OR51B5: variants seen among roughly 807,000 people sequenced by gnomAD.
OR51B5 encodes the protein olfactory receptor family 51 subfamily B member 5.
For synonymous variants in OR51B5, 186 were observed against 144.8 expected (o/e 1.28, Z -2.04); for missense variants, 456 against 374.6 (o/e 1.22, Z -1.79).
chr11:5,454,251 A>G (rs748834155), intron 1 of OR51B5: 11 of 1,614,082 alleles, frequency 6.8e-6, no homozygotes, highest in Admixed American at 5.0e-5. Flanking sequence ...TTATGTGCCA[A>G]TGATTGGGGT....
chr11:5,419,780 C>A (rs373670465), intron 1 of OR51B5, among the ~76,000 whole-genome samples: 1 of 152,026 alleles, frequency 6.6e-6, no homozygotes, highest in South Asian at 2.1e-4. Flanking sequence ...CTTTAAATCC[C>A]AGTTTATATA....
intron 1 of OR51B5, chr11:5,354,604 C>T (rs1280287073): frequency 6.4e-6 from 1 of 157,272 alleles, no homozygotes; most frequent in African/African-American, 2.4e-5. Flanking sequence ...CCTCACCCCT[C>T]CTCATGATCC....
intron 1 of OR51B5, among the ~76,000 whole-genome samples, chr11:5,495,636 A>C (rs1851639147): frequency 1.3e-5 from 2 of 152,176 alleles, no homozygotes; most frequent in South Asian, 4.1e-4. Context: ...TACAAAAGAA[A>C]TCATCAAATC....
chr11:5,491,095 T>G (rs148779296), intron 1 of OR51B5, among the ~76,000 whole-genome samples: 134 of 152,380 alleles, frequency 8.8e-4, no homozygotes, highest in Middle Eastern at 6.8e-3. Flanking sequence ...TATACTGGTA[T>G]GTATCATAGT....
chr11:5,358,367 C>G (rs1849226807), intron 1 of OR51B5, among the ~76,000 whole-genome samples: 1 of 152,172 alleles, frequency 6.6e-6, no homozygotes, highest in South Asian at 2.1e-4. Context: ...ATAAACACCT[C>G]TACACAAATA....
intron 1 of OR51B5, among the ~76,000 whole-genome samples, chr11:5,366,326 G>C (rs984154581): frequency 7.9e-5 from 12 of 152,126 alleles, no homozygotes; most frequent in Admixed American, 6.6e-4. Context: ...TTAAAGAAAA[G>C]GCTACATTAC....
At chr11:5,363,037 A>G (rs1849309209) in intron 1 of OR51B5, among the ~76,000 whole-genome samples, 1 of 151,978 alleles carries the variant, frequency 6.6e-6, no homozygotes, top group Admixed American at 6.6e-5. Context: ...AAGGAAAAGG[A>G]GCCCAAGGAA....
At chr11:5,389,249 G>C in intron 1 of OR51B5, 5 of 775,654 alleles carry the variant, frequency 6.4e-6, no homozygotes, top group Admixed American at 4.9e-5. Context: ...GTTCAATAAA[G>C]TAGTGAGATT....
At chr11:5,413,658 C>A (rs1367838640) in intron 1 of OR51B5, among the ~76,000 whole-genome samples, 10 of 152,188 alleles carry the variant, frequency 6.6e-5, no homozygotes, top group Non-Finnish European at 8.8e-5. Flanking sequence ...GGAGCCAATG[C>A]AATCAACTGG....
intron 1 of OR51B5, among the ~76,000 whole-genome samples, chr11:5,433,104 A>G (rs1472148341): frequency 6.6e-6 from 1 of 152,224 alleles, no homozygotes; most frequent in Non-Finnish European, 1.5e-5. Flanking sequence ...TACACAAGTT[A>G]CCTCTGAGTT....
chr11:5,344,952 T>A (rs1564913030), upstream of OR51B5, among the ~76,000 whole-genome samples: 2 of 152,150 alleles, frequency 1.3e-5, no homozygotes, highest in African/African-American at 2.4e-5. Flanking sequence ...CCATTTGAAC[T>A]GAGACCTCAA....
rs777443530 is a variant in OR51B5 at position 5,389,928 on chromosome 11, C to T, written n.85-43018G>A. 10 of 1,611,256 alleles carry T rather than the reference C, an allele frequency of 6.2e-6. No homozygotes were observed. In the African/African-American group the frequency reaches 1.3e-4, roughly 22 times the overall value. The stretch of plus-strand genomic sequence containing the variant: ...ATCCCTATTGTCCTCCTCCTGAAGG[C>T]TTTTCCCTACTGTGGATCTGTGGTC... On this transcript the variant is annotated intron_variant and non_coding_transcript_variant, in intron 1 of 4. Transcript: ENST00000415970.
At chr11:5,389,140 A>C (rs984658897) in intron 1 of OR51B5, among the ~76,000 whole-genome samples, 2 of 152,218 alleles carry the variant, frequency 1.3e-5, no homozygotes, top group African/African-American at 4.8e-5. Context: ...AACTATACTT[A>C]AGGGTTGAGC....
chr11:5,398,822 A>G (rs1046632825), intron 1 of OR51B5, among the ~76,000 whole-genome samples: 3 of 152,096 alleles, frequency 2.0e-5, no homozygotes, highest in African/African-American at 7.2e-5. Context: ...TTCTGCCATA[A>G]TTGTAAGTTT....
At chr11:5,351,521 A>T (rs4910755) in intron 1 of OR51B5, 15 of 1,611,096 alleles carry the variant, frequency 9.3e-6, no homozygotes, top group African/African-American at 1.3e-5. Context: ...GGGCTCAATA[A>T]GTCTGCTTCC....
At position 5,358,479 on chromosome 11, in the gene OR51B5, T is replaced by G. The variant is rs553531685; in HGVS notation, n.85-11569A>C. Reference sequence around the variant, plus strand: ...ATCTCTGAATAGACCAATAACAGGATCTGAAATTGAGGCAATAATTAATAG... The same window carrying G: ...ATCTCTGAATAGACCAATAACAGGAGCTGAAATTGAGGCAATAATTAATAG... On this transcript the variant is annotated intron_variant and non_coding_transcript_variant, in intron 1 of 4. Transcript: ENST00000415970. 3.1e-4 allele frequency among the ~76,000 whole-genome samples: 47 copies of G among 152,140 alleles called. No homozygotes were observed. The South Asian group carries it at 7.9e-3, about 26-fold the overall frequency.
chr11:5,420,588 T>G (rs1850318160), intron 1 of OR51B5, among the ~76,000 whole-genome samples: 1 of 152,016 alleles, frequency 6.6e-6, no homozygotes, highest in African/African-American at 2.4e-5. Flanking sequence ...ACAGAGAAAA[T>G]TTCACTTTTA....
At position 5,357,237 on chromosome 11, in the gene OR51B5, T is replaced by C. The variant is rs1369607379; in HGVS notation, n.85-10327A>G. On this transcript the variant is annotated intron_variant and non_coding_transcript_variant, in intron 1 of 4. Transcript: ENST00000415970. ...TGCTGTATTCAGGAAACCCATCTCA[T>C]GTGCACACACACACATAGGCTCAAA... Among the ~76,000 whole-genome samples, 4 of 151,918 alleles carry C rather than the reference T, an allele frequency of 2.6e-5. No homozygotes were observed. In the East Asian group the frequency reaches 5.8e-4, roughly 22 times the overall value.
intron 1 of OR51B5, among the ~76,000 whole-genome samples, chr11:5,385,686 T>A (rs1849678362): frequency 7.0e-6 from 1 of 143,760 alleles, no homozygotes; most frequent in Non-Finnish European, 1.5e-5. Flanking sequence ...AAATACTACC[T>A]ATAATATATA....
Sources: gnomAD v4.1 joint callset for allele counts (sites outside exome capture counted in the v4.1 genomes callset) on GRCh38, gnomAD v4.1.1 for gene constraint, MANE v1.5 for transcripts, NCBI Gene and HGNC (gene_info 2026-07-23, HGNC 2026-07-21) for gene names.